Variants in PTPRM observed in about 807,000 individuals in gnomAD.
PTPRM encodes the protein protein tyrosine phosphatase receptor type M, also known as receptor-type tyrosine-protein phosphatase mu.
In PTPRM, 47 loss-of-function variants were observed where a neutral mutation model predicts 186.7. That is an observed-to-expected ratio of 0.25 (90% CI 0.20 to 0.32). The LOEUF (loss-of-function observed/expected upper bound fraction) is 0.32. Among genes scored for constraint, PTPRM ranks in the 10% least tolerant of loss-of-function variants. The probability of loss-of-function intolerance (pLI) is 1.00; values close to 1 mark genes in which losing one functional copy is unlikely to be tolerated. For missense variants in PTPRM, 1,494 were observed against 1,865.0 expected (o/e 0.80, Z 3.66); for synonymous variants, 668 against 674.9 (o/e 0.99, Z 0.16).
chr18:7,884,593 G>A (rs2048674004), intron 2 of PTPRM, among the ~76,000 whole-genome samples: 1 of 152,100 alleles, frequency 6.6e-6, no homozygotes, highest in South Asian at 2.1e-4. Flanking sequence ...CACTTGAGAA[G>A]CCTCTCATGA....
chr18:8,167,968 T>G (rs1322515859), intron 14 of PTPRM, among the ~76,000 whole-genome samples: 1 of 152,218 alleles, frequency 6.6e-6, no homozygotes, highest in African/African-American at 2.4e-5. Context: ...AGCTCTAAAC[T>G]CATTTTCTTC....
chr18:7,610,142 A>G (rs2037636316), intron 1 of PTPRM, among the ~76,000 whole-genome samples: 1 of 152,234 alleles, frequency 6.6e-6, no homozygotes, highest in Non-Finnish European at 1.5e-5. Context: ...AAGGTCTCAA[A>G]GACTCCTTCA....
intron 7 of PTPRM, among the ~76,000 whole-genome samples, chr18:8,003,265 C>G (rs906108913): frequency 3.3e-5 from 5 of 152,194 alleles, no homozygotes; most frequent in Non-Finnish European, 7.3e-5. Context: ...TTCCCCTGCA[C>G]AAGCTCCCTC....
chr18:8,336,879 A>G (rs536313725), intron 22 of PTPRM, among the ~76,000 whole-genome samples: 45 of 151,990 alleles, frequency 3.0e-4, no homozygotes, highest in Non-Finnish European at 3.7e-4. Context: ...CAGAAGGCTG[A>G]GCCAGGAGAA....
intron 4 of PTPRM, among the ~76,000 whole-genome samples, chr18:7,907,411 G>A (rs796967669): frequency 1.1e-4 from 16 of 152,310 alleles, no homozygotes; most frequent in African/African-American, 3.8e-4. Context: ...TGATGAGCAG[G>A]CCCCCAAAGT....
intron 4 of PTPRM, among the ~76,000 whole-genome samples, chr18:7,908,460 A>G (rs990051974): frequency 1.5e-4 from 23 of 152,330 alleles, no homozygotes; most frequent in Admixed American, 1.4e-3. Flanking sequence ...ATAGACCACC[A>G]GGACCCTCTT....
chr18:8,143,928 G>A, intron 14 of PTPRM, 149 bp downstream of exon 14: 1 of 1,109,882 alleles, frequency 9.0e-7, no homozygotes, highest in South Asian at 1.5e-5. Flanking sequence ...TCATCATGTG[G>A]CATGGAAGGT....
At chr18:8,347,013 T>G (rs1034245988) in intron 23 of PTPRM, among the ~76,000 whole-genome samples, 2 of 152,176 alleles carry the variant, frequency 1.3e-5, no homozygotes, top group Admixed American at 6.5e-5. Context: ...GTGCTTGTGT[T>G]TCTTCCCCTG....
intron 2 of PTPRM, among the ~76,000 whole-genome samples, chr18:7,791,566 G>C (rs889102679): frequency 6.6e-6 from 1 of 152,182 alleles, no homozygotes; most frequent in African/African-American, 2.4e-5. Context: ...TGGAGGATCT[G>C]TGTGGAGGTT....
intron 14 of PTPRM, among the ~76,000 whole-genome samples, chr18:8,153,792 C>T (rs2146263616): frequency 6.6e-6 from 1 of 152,288 alleles, no homozygotes; most frequent in Non-Finnish European, 1.5e-5. Context: ...GATAGGTAAT[C>T]ACCACATTGT....
intron 2 of PTPRM, among the ~76,000 whole-genome samples, chr18:7,875,880 G>A (rs115341091): frequency 0.01 from 1,587 of 152,094 alleles, 32 homozygotes; most frequent in African/African-American, 0.036. Context: ...TACACAAATC[G>A]AGATGGTAGA....
intron 21 of PTPRM, among the ~76,000 whole-genome samples, chr18:8,315,187 A>G (rs1183463564): frequency 6.6e-6 from 1 of 152,232 alleles, no homozygotes; most frequent in Non-Finnish European, 1.5e-5. Flanking sequence ...TCTCATGCTT[A>G]TGTGGACTAA....
At chr18:8,170,994 C>T (rs553048945) in intron 14 of PTPRM, among the ~76,000 whole-genome samples, 5 of 152,312 alleles carry the variant, frequency 3.3e-5, no homozygotes, top group Non-Finnish European at 5.9e-5. Context: ...CACAGTCTTC[C>T]GATGGGGCCT....
intron 2 of PTPRM, among the ~76,000 whole-genome samples, chr18:7,827,275 A>G (rs935876608): frequency 6.6e-6 from 1 of 152,214 alleles, no homozygotes; most frequent in African/African-American, 2.4e-5. Flanking sequence ...TCAATCATAC[A>G]TCACTCTCGA....
rs371357358 is a variant in PTPRM, at chr18:7,874,558, AAGAG to A, written c.197-13540_197-13537del. Among the ~76,000 whole-genome samples, 308 of 152,206 alleles carry A rather than the reference AAGAG, an allele frequency of 2.0e-3. 3 individuals carry two copies. Among genetic ancestry groups the A allele is most frequent in the Middle Eastern group, 3.4e-3 (1 of 294 alleles). On this transcript the variant is annotated intron_variant, in intron 2 of 32. Coordinates refer to ENST00000580170, the MANE Select transcript of PTPRM (RefSeq NM_001105244.2). ...GTGGTTATGCTAGAGGCAAAAAAAAAAGAGAGAGAGAAACACCTCTTTAGACCTC... is the reference window on the plus strand; with the variant it reads ...GTGGTTATGCTAGAGGCAAAAAAAAAAGAGAGAAACACCTCTTTAGACCTC...
intron 1 of PTPRM, among the ~76,000 whole-genome samples, chr18:7,627,627 G>A (rs375255135): frequency 6.6e-6 from 1 of 152,324 alleles, no homozygotes; most frequent in South Asian, 2.1e-4. Flanking sequence ...GTATTTTGCA[G>A]GCCTTGTGCT....
chr18:8,075,384 C>G (rs912989875), intron 8 of PTPRM, among the ~76,000 whole-genome samples: 2 of 151,920 alleles, frequency 1.3e-5, no homozygotes, highest in African/African-American at 2.4e-5. Context: ...GAGTTCTCTC[C>G]GACTGCTTAT....
At chr18:8,297,188 G>A (rs905110288) in intron 20 of PTPRM, among the ~76,000 whole-genome samples, 1 of 152,256 alleles carries the variant, frequency 6.6e-6, no homozygotes, top group East Asian at 1.9e-4. Context: ...TGACAGGCCC[G>A]CTGTAGTCGC....
intron 1 of PTPRM, among the ~76,000 whole-genome samples, chr18:7,609,161 CTTAG>C (rs1468712814): frequency 1.3e-5 from 2 of 152,246 alleles, no homozygotes; most frequent in East Asian, 1.9e-4. Flanking sequence ...AAGTCTGGTC[CTTAG>C]TTAGAGTTCC....
Sources: gnomAD v4.1 joint callset for allele counts (sites outside exome capture counted in the v4.1 genomes callset) on GRCh38, gnomAD v4.1.1 for gene constraint, MANE v1.5 for transcripts, NCBI Gene and HGNC (gene_info 2026-07-23, HGNC 2026-07-21) for gene names.